Variants in ENOX1 observed in about 807,000 individuals in gnomAD.
The protein encoded by ENOX1 is ecto-NOX disulfide-thiol exchanger 1, also known as candidate growth-related and time keeping constitutive hydroquinone (NADH) oxidase.
Under a neutral mutation model 82.5 loss-of-function variants are expected in ENOX1, and 42 were observed. The observed-to-expected ratio is 0.51, with a 90% CI of 0.40 to 0.66. ENOX1 has a LOEUF of 0.66. Ranked by LOEUF, ENOX1 falls within the 30% of genes least tolerant of loss-of-function variation. The probability of loss-of-function intolerance (pLI) is 0.00; values close to 1 mark genes in which losing one functional copy is unlikely to be tolerated. For missense variants in ENOX1, 608 were observed against 811.6 expected, an observed-to-expected ratio of 0.75 and a Z score of 3.05; for synonymous variants, 271 against 282.2, an observed-to-expected ratio of 0.96 and a Z score of 0.40.
intron 5 of ENOX1, among the ~76,000 whole-genome samples, chr13:43,398,141 A>T (rs1260113901): frequency 6.6e-6 from 1 of 152,184 alleles, no homozygotes; most frequent in East Asian, 1.9e-4. Context: ...TCAACATATG[A>T]ATTTGGGGGT....
At chr13:43,491,077 G>A (rs953558130) in intron 2 of ENOX1, among the ~76,000 whole-genome samples, 3 of 152,168 alleles carry the variant, frequency 2.0e-5, no homozygotes, top group African/African-American at 7.2e-5. Flanking sequence ...GCATGGCGCT[G>A]GTGTCTGCTT....
At chr13:43,735,094 T>TTTTG (rs2089551565) in intron 1 of ENOX1, among the ~76,000 whole-genome samples, 1 of 152,238 alleles carries the variant, frequency 6.6e-6, no homozygotes. Context: ...GAAAAACCAG[T>TTTTG]TTTGTAAGAA....
At chr13:43,327,668 A>G (rs917115211) in intron 9 of ENOX1, among the ~76,000 whole-genome samples, 4 of 152,210 alleles carry the variant, frequency 2.6e-5, no homozygotes, top group Non-Finnish European at 5.9e-5. Flanking sequence ...CCAAGGCTCT[A>G]TTATAAAAAA....
At chr13:43,661,446 A>AG (rs1255554806) in intron 2 of ENOX1, among the ~76,000 whole-genome samples, 2 of 152,336 alleles carry the variant, frequency 1.3e-5, no homozygotes, top group Non-Finnish European at 2.9e-5. Flanking sequence ...AAACCCAAGT[A>AG]GTAGGGAATG....
chr13:43,255,165 A>C (rs1441309615), intron 14 of ENOX1, among the ~76,000 whole-genome samples: 1 of 152,214 alleles, frequency 6.6e-6, no homozygotes. Flanking sequence ...AAAGTGGTAC[A>C]TCACATTAAC....
chr13:43,315,213 T>C (rs891865110), intron 11 of ENOX1, among the ~76,000 whole-genome samples: 2 of 152,240 alleles, frequency 1.3e-5, no homozygotes, highest in African/African-American at 2.4e-5. Context: ...TTTTCAAAAA[T>C]GACCAGGTAT....
chr13:43,718,676 C>CAAAAAAAAAAAA (rs61671392), intron 1 of ENOX1, among the ~76,000 whole-genome samples: 15 of 55,592 alleles, frequency 2.7e-4, no homozygotes, highest in African/African-American at 9.5e-4. Context: ...GACTCCGTCT[C>CAAAAAAAAAAAA]AAAAAAAAAA....
chr13:43,583,758 T>C (rs2080852675), intron 2 of ENOX1, among the ~76,000 whole-genome samples: 2 of 152,208 alleles, frequency 1.3e-5, no homozygotes, highest in African/African-American at 4.8e-5. Flanking sequence ...ACACTTGTTA[T>C]TTTCAGCCAT....
At chr13:43,340,457 T>TA in intron 9 of ENOX1, among the ~76,000 whole-genome samples, 1 of 152,346 alleles carries the variant, frequency 6.6e-6, no homozygotes, top group South Asian at 2.1e-4. Flanking sequence ...ACTGCTGAAA[T>TA]ACTTCTCAGA....
intron 2 of ENOX1, among the ~76,000 whole-genome samples, chr13:43,610,486 G>T (rs2153737169): frequency 6.6e-6 from 1 of 152,198 alleles, no homozygotes; most frequent in Middle Eastern, 3.4e-3. Context: ...ATGGAGTTGG[G>T]GAAAACTTAT....
chr13:43,431,936 T>A (rs1025625026), intron 3 of ENOX1, among the ~76,000 whole-genome samples: 2 of 152,134 alleles, frequency 1.3e-5, no homozygotes, highest in African/African-American at 2.4e-5. Context: ...TGAACCACTA[T>A]TCCTCTGGCC....
chr13:43,338,676 GTTTTTTTTTTTT>G (rs71099830), intron 9 of ENOX1, among the ~76,000 whole-genome samples: 11 of 81,276 alleles, frequency 1.4e-4, no homozygotes, highest in South Asian at 5.8e-4. Flanking sequence ...TTCAGGTTGG[GTTTTTTTTTTTT>G]TTTTTTTTTT....
At chr13:43,438,608 C>T (rs753540516) in intron 3 of ENOX1, among the ~76,000 whole-genome samples, 10 of 152,158 alleles carry the variant, frequency 6.6e-5, no homozygotes, top group Non-Finnish European at 1.5e-4. Context: ...ATTAAACTTA[C>T]AAACCATACA....
At chr13:43,720,590 C>G (rs534250872) in intron 1 of ENOX1, among the ~76,000 whole-genome samples, 5 of 152,328 alleles carry the variant, frequency 3.3e-5, no homozygotes, top group African/African-American at 1.2e-4. Context: ...GAAACTCCAT[C>G]TGAGTTTAAT....
At chr13:43,352,699 T>C (rs565017156) in intron 8 of ENOX1, among the ~76,000 whole-genome samples, 23 of 152,346 alleles carry the variant, frequency 1.5e-4, no homozygotes, top group Non-Finnish European at 2.9e-4. Context: ...AGAATTTGTA[T>C]TAATGTAACA....
At chr13:43,756,452 G>A (rs1372373322) in intron 1 of ENOX1, among the ~76,000 whole-genome samples, 1 of 143,000 alleles carries the variant, frequency 7.0e-6, no homozygotes, top group African/African-American at 2.6e-5. Context: ...AGAGGGTTGA[G>A]GAGGGGTGAG....
chr13:43,661,930 TA>T (rs1370074609), intron 2 of ENOX1, among the ~76,000 whole-genome samples: 1 of 152,198 alleles, frequency 6.6e-6, no homozygotes, highest in Non-Finnish European at 1.5e-5. Context: ...AAGCCAAATG[TA>T]AAAAAATCCA....
At chr13:43,562,441 A>T (rs2079724555) in intron 2 of ENOX1, among the ~76,000 whole-genome samples, 1 of 152,280 alleles carries the variant, frequency 6.6e-6, no homozygotes, top group Admixed American at 6.5e-5. Context: ...CGCCTTCATT[A>T]AAAGGAAGAC....
At chr13:43,381,437 A>C (rs2052031923) in intron 5 of ENOX1, among the ~76,000 whole-genome samples, 1 of 150,558 alleles carries the variant, frequency 6.6e-6, no homozygotes, top group Non-Finnish European at 1.5e-5. Context: ...AAAAGAAGAA[A>C]GGTCTTACAT....
Sources: gnomAD v4.1 joint callset for allele counts (sites outside exome capture counted in the v4.1 genomes callset) on GRCh38, gnomAD v4.1.1 for gene constraint, MANE v1.5 for transcripts, NCBI Gene and HGNC (gene_info 2026-07-23, HGNC 2026-07-21) for gene names.